Variants in CADM2 observed in about 807,000 individuals in gnomAD.
CADM2 encodes the protein cell adhesion molecule 2.
In CADM2, 12 loss-of-function variants were observed where a neutral mutation model predicts 49.8. The observed-to-expected ratio is 0.24, with a 90% CI of 0.15 to 0.39. The LOEUF (loss-of-function observed/expected upper bound fraction) is 0.39. Among genes scored for constraint, CADM2 ranks in the 10% least tolerant of loss-of-function variants. CADM2 has a pLI of 1.00. For missense variants in CADM2, 378 were observed against 492.3 expected (o/e 0.77, Z 2.20); for synonymous variants, 214 against 175.4 (o/e 1.22, Z -1.74).
At chr3:85,868,410 C>T (rs1187681282) in intron 3 of CADM2, among the ~76,000 whole-genome samples, 2 of 151,964 alleles carry the variant, frequency 1.3e-5, no homozygotes, top group Non-Finnish European at 1.5e-5. Context: ...AAAACAGAAA[C>T]GACTTTCACT....
At chr3:85,107,713 T>G (rs2038299601) in intron 1 of CADM2, among the ~76,000 whole-genome samples, 1 of 149,708 alleles carries the variant, frequency 6.7e-6, no homozygotes, top group South Asian at 2.1e-4. Context: ...CTTTTTTTTT[T>G]TTTTTGATGG....
At chr3:85,014,953 C>T (rs1186981198) in intron 1 of CADM2, among the ~76,000 whole-genome samples, 1 of 152,150 alleles carries the variant, frequency 6.6e-6, no homozygotes, top group East Asian at 1.9e-4. Flanking sequence ...TGCCTACTTT[C>T]TAGAAAGACA....
intron 8 of CADM2, among the ~76,000 whole-genome samples, chr3:85,988,857 G>C (rs1361112300): frequency 6.6e-6 from 1 of 152,118 alleles, no homozygotes. Context: ...AGCAAAGAAG[G>C]CTGAACAATG....
intron 1 of CADM2, among the ~76,000 whole-genome samples, chr3:85,342,459 A>G (rs1224285444): frequency 6.6e-6 from 1 of 152,104 alleles, no homozygotes; most frequent in Non-Finnish European, 1.5e-5. Flanking sequence ...ATTTAATAAT[A>G]ATTTATTAAT....
chr3:85,404,282 T>G (rs1252192210), intron 1 of CADM2, among the ~76,000 whole-genome samples: 2 of 152,124 alleles, frequency 1.3e-5, no homozygotes, highest in African/African-American at 4.8e-5. Context: ...CTTTGTGAGA[T>G]GACTTTGTGC....
chr3:85,046,982 TA>T (rs1369804961), intron 1 of CADM2, among the ~76,000 whole-genome samples: 3 of 152,102 alleles, frequency 2.0e-5, no homozygotes, highest in Admixed American at 6.6e-5. Context: ...TATCATGTCC[TA>T]AAAAATAAGA....
intron 1 of CADM2, among the ~76,000 whole-genome samples, chr3:85,375,405 G>T (rs1191341863): frequency 6.6e-6 from 1 of 152,222 alleles, no homozygotes; most frequent in Middle Eastern, 3.4e-3. Context: ...TGTAGCCTGA[G>T]GTCCCAGGGA....
intron 3 of CADM2, among the ~76,000 whole-genome samples, chr3:85,846,354 G>A (rs2074878549): frequency 6.6e-6 from 1 of 152,052 alleles, no homozygotes. Flanking sequence ...CCTCTAGAAT[G>A]ACTGAGCAAC....
chr3:85,000,237 T>C (rs934144912), intron 1 of CADM2, among the ~76,000 whole-genome samples: 3 of 151,574 alleles, frequency 2.0e-5, no homozygotes, highest in African/African-American at 7.3e-5. Context: ...CCTTACACTC[T>C]AGAGTAGTTG....
intron 1 of CADM2, among the ~76,000 whole-genome samples, chr3:85,406,422 A>G (rs1429332203): frequency 2.6e-5 from 4 of 152,218 alleles, no homozygotes; most frequent in Non-Finnish European, 5.9e-5. Flanking sequence ...ATGCAACAAT[A>G]AATATTTAAT....
intron 1 of CADM2, among the ~76,000 whole-genome samples, chr3:85,122,265 G>A (rs6770622): frequency 0.11 from 16,429 of 151,918 alleles, 1,905 homozygotes; most frequent in African/African-American, 0.29. Context: ...GTTTGTTTTC[G>A]TTTTCATCCT....
At chr3:85,291,698 A>G (rs2106937088) in intron 1 of CADM2, among the ~76,000 whole-genome samples, 1 of 147,478 alleles carries the variant, frequency 6.8e-6, no homozygotes, top group South Asian at 2.1e-4. Context: ...AAGCTTCATA[A>G]GTGAAGGAGA....
chr3:85,512,287 A>G (rs1256405693), intron 1 of CADM2, among the ~76,000 whole-genome samples: 2 of 152,124 alleles, frequency 1.3e-5, no homozygotes, highest in Non-Finnish European at 2.9e-5. Context: ...CTGCTCCTGC[A>G]TTAATTCACT....
intron 1 of CADM2, among the ~76,000 whole-genome samples, chr3:85,183,254 C>A (rs2040978430): frequency 6.6e-6 from 1 of 152,014 alleles, no homozygotes; most frequent in African/African-American, 2.4e-5. Context: ...TTATTTTCCA[C>A]AAAAATTCAC....
At chr3:85,038,742 C>T (rs76442374) in intron 1 of CADM2, among the ~76,000 whole-genome samples, 6,256 of 152,168 alleles carry the variant, frequency 0.041, 164 homozygotes, top group African/African-American at 0.068. Flanking sequence ...AGTAAATAAT[C>T]AGCAAATCAC....
At chr3:85,766,467 A>G (rs2069661553) in intron 2 of CADM2, among the ~76,000 whole-genome samples, 1 of 152,186 alleles carries the variant, frequency 6.6e-6, no homozygotes, top group South Asian at 2.1e-4. Flanking sequence ...TTGGCTAAAG[A>G]ATAATATTCT....
chr3:85,163,382 A>T (rs1417081978), intron 1 of CADM2, among the ~76,000 whole-genome samples: 1 of 152,100 alleles, frequency 6.6e-6, no homozygotes, highest in Admixed American at 6.6e-5. Flanking sequence ...GGGCATCAGA[A>T]ACATCGTGAA....
chr3:85,144,896 C>G (rs1036596690), intron 1 of CADM2, among the ~76,000 whole-genome samples: 1 of 152,142 alleles, frequency 6.6e-6, no homozygotes, highest in African/African-American at 2.4e-5. Flanking sequence ...GAGAGCAAGT[C>G]TTTTAACTAC....
chr3:85,823,463 C>A (rs968864481), intron 3 of CADM2, among the ~76,000 whole-genome samples: 3 of 152,032 alleles, frequency 2.0e-5, no homozygotes, highest in African/African-American at 7.2e-5. Flanking sequence ...CAAAAACAAA[C>A]CACAAACCAC....
Sources: allele counts gnomAD v4.1 joint callset (sites outside exome capture counted in the v4.1 genomes callset), GRCh38; gene constraint gnomAD v4.1.1; transcripts MANE v1.5; gene names NCBI Gene and HGNC (gene_info 2026-07-23, HGNC 2026-07-21).